Variants in STAG3 observed in about 807,000 individuals in gnomAD.
STAG3 encodes STAG3 cohesin complex component.
Under a neutral mutation model 160.7 loss-of-function variants are expected in STAG3, and 101 were observed. The ratio of observed to expected loss-of-function variants is 0.63; its 90% CI spans 0.54 to 0.74. The LOEUF (loss-of-function observed/expected upper bound fraction) is 0.74, where lower values mean the gene tolerates loss of function less well. Among genes scored for constraint, STAG3 ranks in the 30% least tolerant of loss-of-function variants. The probability of loss-of-function intolerance (pLI) is 0.00; values close to 1 mark genes in which losing one functional copy is unlikely to be tolerated. For synonymous variants in STAG3, 519 were observed against 585.0 expected, an observed-to-expected ratio of 0.89 and a Z score of 1.63; for missense variants, 1,188 against 1,517.4, an observed-to-expected ratio of 0.78 and a Z score of 3.61.
chr7:100,194,796 TA>T (rs920638657), intron 8 of STAG3, among the ~76,000 whole-genome samples: 5 of 151,852 alleles, frequency 3.3e-5, no homozygotes, highest in African/African-American at 1.2e-4. Flanking sequence ...CCCTGTCTCA[TA>T]AAAAAATATG....
chr7:100,194,753 C>T (rs1800572856), intron 8 of STAG3, among the ~76,000 whole-genome samples: 1 of 152,122 alleles, frequency 6.6e-6, no homozygotes, highest in South Asian at 2.1e-4. Flanking sequence ...CATGGTCACA[C>T]CACTGTACTC....
chr7:100,204,555 A>C, intron 26 of STAG3, 72 bp from the exon 27 acceptor site: 38 of 1,555,358 alleles, frequency 2.4e-5, no homozygotes, highest in Non-Finnish European at 2.9e-5. Context: ...TGAGTAGAGA[A>C]GAGAATGCTG....
Position 100,209,418 on chromosome 7 carries a change from C to T in STAG3, c.3239-1593C>T, listed in dbSNP as rs1316000824. ...ATGTTCAAGGAACAGCAGAGAAGAC[C>T]ATTATGGCCAGAATGCAGATTGTAG... On this transcript the variant is annotated intron_variant, in intron 29 of 33. Coordinates refer to ENST00000615138, the MANE Select transcript of STAG3 (RefSeq NM_001282717.2). Among the ~76,000 whole-genome samples, 3 of 152,254 alleles carry T rather than the reference C, an allele frequency of 2.0e-5. No individual in the cohort carries two copies. In the East Asian group the frequency reaches 5.8e-4, roughly 29 times the overall value.
intron 8 of STAG3, among the ~76,000 whole-genome samples, chr7:100,191,931 A>G (rs1318980647): frequency 1.3e-5 from 2 of 152,224 alleles, no homozygotes; most frequent in East Asian, 3.8e-4. Flanking sequence ...TGTCATTTCA[A>G]CAGTATTCAC....
In STAG3 at chr7:100,180,515, T is replaced by C. The variant is rs747082353; in HGVS notation, c.-42T>C. On this transcript the variant is annotated 5_prime_UTR_variant, in exon 2 of 34. Transcript: ENST00000615138. ...CAGCTGGATCGCCATACCTACCCTG[T>C]GGTCCTCATCTTCCTGGCCTCATAG... 13 of 1,187,642 alleles carry C rather than the reference T, an allele frequency of 1.1e-5. No homozygotes were observed. The highest frequency in any genetic ancestry group is 1.9e-4 in the Middle Eastern group (1 of 5,152). The allele number at this position is 1,187,642 out of a possible 1,614,324, so 73.6% of individuals were successfully genotyped here.
Position 100,205,139 on chromosome 7 carries a change from T to A in STAG3, c.3080+6T>A, listed in dbSNP as rs750127104. ...CATCAGGACAAGCAGCTTTTGTAAGTTGGTGGGTGGATAGAGATGTGGATT... is the reference window on the plus strand; with the variant it reads ...CATCAGGACAAGCAGCTTTTGTAAGATGGTGGGTGGATAGAGATGTGGATT... On this transcript the variant is annotated splice_donor_region_variant and intron_variant, in intron 28 of 33. Transcript: ENST00000615138. The A allele has an allele frequency of 1.6e-5, 26 of 1,613,870 alleles. No homozygotes were observed. Among genetic ancestry groups the A allele is most frequent in the East Asian group, 2.2e-5 (1 of 44,890 alleles).
chr7:100,211,456 C>CGAGA lies in STAG3; in HGVS notation c.3437_3440dup (p.Ser1148GlufsTer44). ...CCAGCAGTCAGCCCGTCGCAGGCACCGAGAGGTCAAGGTTCTTGGGTCCAC... is the reference window on the plus strand; with the variant it reads ...CCAGCAGTCAGCCCGTCGCAGGCACCGAGAGAGAGGTCAAGGTTCTTGGGTCCAC... On this transcript the variant is annotated frameshift_variant, in exon 31 of 34. Transcript: ENST00000615138. LOFTEE classifies it high-confidence loss of function. 6.2e-7 allele frequency: 1 copy of CGAGA among 1,613,974 alleles called. No homozygotes were observed. The highest frequency in any genetic ancestry group is 8.5e-7 in the Non-Finnish European group (1 of 1,179,982).
At chr7:100,204,524 T>A in intron 26 of STAG3, 103 bp from the exon 27 acceptor site, 2 of 1,418,304 alleles carry the variant, frequency 1.4e-6, no homozygotes, top group Non-Finnish European at 1.9e-6. Flanking sequence ...GTAGATGGTG[T>A]CCCAAGGCCT....
chr7:100,218,229 T>G (rs911678666), downstream of STAG3: 2 of 161,586 alleles, frequency 1.2e-5, no homozygotes, highest in African/African-American at 4.8e-5. Context: ...TCAGCTCCTA[T>G]CTCTGTATGG....
In STAG3 at chr7:100,202,616, A is replaced by T. The variant is rs138556948; in HGVS notation, c.2700+26A>T. The T allele has an allele frequency of 0.041, 66,143 of 1,601,910 alleles. 1,785 individuals are homozygous for T. Among genetic ancestry groups the T allele is most frequent in the Middle Eastern group, 0.1 (503 of 4,954 alleles). ...GTACACCAAGGCCCTACAGAAATAA[A>T]AGAGAAGGGAGCAAGTTGAGCACAG... On this transcript the variant is annotated intron_variant, in intron 25 of 33. Coordinates refer to ENST00000615138, the MANE Select transcript of STAG3 (RefSeq NM_001282717.2).
intron 9 of STAG3, among the ~76,000 whole-genome samples, chr7:100,195,856 G>A (rs1175594619): frequency 6.6e-6 from 1 of 152,218 alleles, no homozygotes; most frequent in Non-Finnish European, 1.5e-5. Flanking sequence ...TAGGCCGGGC[G>A]TGGTGGCTCA....
At chr7:100,192,683 T>C (rs1468533793) in intron 8 of STAG3, among the ~76,000 whole-genome samples, 1 of 152,218 alleles carries the variant, frequency 6.6e-6, no homozygotes, top group Non-Finnish European at 1.5e-5. Flanking sequence ...CCCAACCTCC[T>C]GTGCTCAAGT....
rs765281407 is a variant in STAG3 at position 100,200,802 on chromosome 7, G to C, written c.1894G>C (p.Val632Leu). ...GCTGTTCCTGCAGCAACTCCAGGAG[G>C]TGGTGGTGAAGCATGCAGAGCCAGC... is the stretch of plus-strand genomic sequence containing the variant. ...LELFLQQLQEVVVKHAEPAVL... is the reference protein window; with the variant it reads ...LELFLQQLQELVVKHAEPAVL... Residue 632 changes from valine (V) to leucine (L), a missense_variant, in exon 19 of 34, where the codon GTG becomes CTG. By Grantham distance (32) the Val-to-Leu change is conservative (BLOSUM62 1). Around this residue, in one of 4 missense-constraint regions of STAG3, gnomAD observed 240 missense variants for 358.1 expected, o/e 0.67. Transcript: ENST00000615138. 30 of 1,614,124 alleles carry C rather than the reference G, an allele frequency of 1.9e-5. No individual in the cohort carries two copies. Among genetic ancestry groups the C allele is most frequent in the Non-Finnish European group, 2.5e-5 (30 of 1,180,048 alleles).
chr7:100,202,150 A>T, intron 23 of STAG3, 22 bp from the exon 24 acceptor site: 1 of 1,609,596 alleles, frequency 6.2e-7, no homozygotes. Context: ...CCTTTTAAAC[A>T]TCCTTTCTTT....
chr7:100,191,126 G>A (rs111739593), intron 8 of STAG3, among the ~76,000 whole-genome samples: 15 of 151,834 alleles, frequency 9.9e-5, no homozygotes, highest in African/African-American at 3.4e-4. Context: ...TGGACGTTGC[G>A]GGGCTGTCCT....
At chr7:100,195,035 A>T (rs1313255911) in intron 8 of STAG3, among the ~76,000 whole-genome samples, 2 of 152,228 alleles carry the variant, frequency 1.3e-5, no homozygotes, top group Non-Finnish European at 2.9e-5. Flanking sequence ...AAAGCGAGAT[A>T]CACCTGTATA....
At chr7:100,199,696 C>A in intron 16 of STAG3, 52 bp downstream of exon 16, 1 of 1,332,882 alleles carries the variant, frequency 7.5e-7, no homozygotes, top group Non-Finnish European at 1.0e-6. Context: ...TCTTGACAGG[C>A]AATGTGCATC....
At chr7:100,199,818 G>C (rs1363599754) in intron 16 of STAG3, among the ~76,000 whole-genome samples, 174 bp downstream of exon 16, 1 of 151,938 alleles carries the variant, frequency 6.6e-6, no homozygotes, top group East Asian at 1.9e-4. Context: ...CACTTTGGGA[G>C]GCTGAGGCAG....
chr7:100,212,146 C>T (rs569231072), intron 32 of STAG3: 3 of 339,858 alleles, frequency 8.8e-6, no homozygotes, highest in South Asian at 7.3e-5. Context: ...TGCCTCCGAA[C>T]CCCCTAGGAA....
Sources: gnomAD v4.1 joint callset for allele counts (sites outside exome capture counted in the v4.1 genomes callset) on GRCh38, gnomAD v4.1.1 for gene constraint, gnomAD v4.1.1 regional missense constraint, MANE v1.5 for transcripts, NCBI Gene and HGNC (gene_info 2026-07-23, HGNC 2026-07-21) for gene names.